EIF2B3: variants seen among roughly 807,000 people sequenced by gnomAD.
EIF2B3 encodes the protein translation initiation factor eIF2B subunit gamma.
In EIF2B3, 20 loss-of-function variants were observed where a neutral mutation model predicts 54.1. The ratio of observed to expected loss-of-function variants is 0.37; its 90% CI spans 0.26 to 0.54. The LOEUF (loss-of-function observed/expected upper bound fraction) is 0.54. Among genes scored for constraint, EIF2B3 ranks in the 20% least tolerant of loss-of-function variants. EIF2B3 has a pLI of 0.86. For synonymous variants in EIF2B3, 153 were observed against 188.1 expected (o/e 0.81, Z 1.52); for missense variants, 448 against 547.8 (o/e 0.82, Z 1.82).
At position 44,942,558 on chromosome 1, in the gene EIF2B3, G is replaced by A. The variant is rs377290586; in HGVS notation, c.295-893C>T. ...TCCTCCTGCCTCAGCCTCCCAAGTA[G>A]CTGGGACTACAGGTATGTACCACCA... On this transcript the variant is annotated intron_variant, in intron 3 of 11. Transcript: ENST00000360403. Among the ~76,000 whole-genome samples the A allele has an allele frequency of 5.1e-3, 740 of 145,946 alleles. 4 individuals carry two copies. Among genetic ancestry groups the A allele is most frequent in the East Asian group, 7.5e-3 (36 of 4,786 alleles).
chr1:44,972,923 T>C (rs1172677026), intron 3 of EIF2B3, among the ~76,000 whole-genome samples: 1 of 151,724 alleles, frequency 6.6e-6, no homozygotes, highest in Non-Finnish European at 1.5e-5. Context: ...TGCCCATGGT[T>C]CCAGCTACTC....
intron 4 of EIF2B3, among the ~76,000 whole-genome samples, chr1:44,931,857 C>T (rs986283999): frequency 3.3e-5 from 5 of 152,108 alleles, no homozygotes; most frequent in Non-Finnish European, 5.9e-5. Flanking sequence ...TGGCTCACGC[C>T]TATAATCCCA....
At chr1:44,955,535 A>G (rs1251833027) in intron 3 of EIF2B3, among the ~76,000 whole-genome samples, 2 of 152,206 alleles carry the variant, frequency 1.3e-5, no homozygotes, top group Admixed American at 1.3e-4. Flanking sequence ...TAAACTAAAG[A>G]GCTTCTGCAT....
At chr1:44,865,358 T>C (rs1362957564) in intron 10 of EIF2B3, among the ~76,000 whole-genome samples, 1 of 152,186 alleles carries the variant, frequency 6.6e-6, no homozygotes, top group Non-Finnish European at 1.5e-5. Context: ...CATGTTCCCA[T>C]TCCTTCTTCT....
At chr1:44,976,312 A>C (rs886371348) in intron 3 of EIF2B3, among the ~76,000 whole-genome samples, 71 of 152,228 alleles carry the variant, frequency 4.7e-4, no homozygotes, top group Non-Finnish European at 3.8e-4. Flanking sequence ...ACACTTCATG[A>C]ACATATATAA....
chr1:44,972,994 T>C (rs780721189), intron 3 of EIF2B3, among the ~76,000 whole-genome samples: 1 of 152,106 alleles, frequency 6.6e-6, no homozygotes, highest in Non-Finnish European at 1.5e-5. Context: ...TGAGCCATGA[T>C]TGCGCCATGG....
intron 5 of EIF2B3, among the ~76,000 whole-genome samples, chr1:44,910,107 A>G (rs1267890792): frequency 6.6e-6 from 1 of 152,228 alleles, no homozygotes; most frequent in Admixed American, 6.5e-5. Context: ...AAAACAATGT[A>G]ACATTGGGGA....
chr1:44,976,786 A>G (rs1429379887), intron 3 of EIF2B3, among the ~76,000 whole-genome samples: 1 of 152,236 alleles, frequency 6.6e-6, no homozygotes, highest in Non-Finnish European at 1.5e-5. Flanking sequence ...GAACAAAAGA[A>G]GCCAGAACAA....
chr1:44,972,143 C>T (rs1257416776), intron 3 of EIF2B3, among the ~76,000 whole-genome samples: 1 of 151,984 alleles, frequency 6.6e-6, no homozygotes, highest in Non-Finnish European at 1.5e-5. Flanking sequence ...AATCCCAGCA[C>T]TTTGGGAGGC....
At chr1:44,880,104 C>A in intron 7 of EIF2B3, 96 bp from the exon 8 acceptor site, 2 of 1,349,382 alleles carry the variant, frequency 1.5e-6, no homozygotes, top group Non-Finnish European at 2.1e-6. Flanking sequence ...ATTTAAGAGA[C>A]GAGGTCTTGC....
At chr1:44,939,873 T>C (rs1644001678) in intron 4 of EIF2B3, among the ~76,000 whole-genome samples, 4 of 152,146 alleles carry the variant, frequency 2.6e-5, no homozygotes, top group Admixed American at 1.3e-4. Context: ...TTATGAAACA[T>C]ATATCTGTTT....
At chr1:44,896,574 T>C (rs1365622656) in intron 6 of EIF2B3, among the ~76,000 whole-genome samples, 1 of 152,254 alleles carries the variant, frequency 6.6e-6, no homozygotes, top group African/African-American at 2.4e-5. Context: ...TAGATAAGTT[T>C]CCGCCTTGGA....
chr1:44,883,180 C>T (rs530627695), intron 6 of EIF2B3, among the ~76,000 whole-genome samples: 14 of 151,766 alleles, frequency 9.2e-5, no homozygotes, highest in Admixed American at 2.6e-4. Flanking sequence ...TCAGGTGATC[C>T]GCTTGCTCCG....
In EIF2B3 at chr1:44,850,801, C is replaced by G; in HGVS notation, c.*150G>C. 1.2e-6 allele frequency: 1 copy of G among 816,122 alleles called. No homozygotes were observed. Among genetic ancestry groups the G allele is most frequent in the Admixed American group, 2.1e-5 (1 of 47,600 alleles). 50.6% of individuals were successfully genotyped at this position (816,122 alleles called of 1,614,324 possible). On this transcript the variant is annotated 3_prime_UTR_variant, in exon 12 of 12. Transcript: ENST00000360403. ...TACACTGTGTACACCTGGAGCCCAC[C>G]TGACATGGAGCTTTGGACTGCTCCA...
intron 5 of EIF2B3, among the ~76,000 whole-genome samples, chr1:44,924,441 C>T (rs1005381634): frequency 4.6e-5 from 7 of 151,666 alleles, no homozygotes; most frequent in Non-Finnish European, 7.4e-5. Flanking sequence ...CTCACTCTGT[C>T]GCCCAGCGCA....
intron 5 of EIF2B3, among the ~76,000 whole-genome samples, chr1:44,909,997 C>A (rs1473827708): frequency 6.6e-6 from 1 of 152,150 alleles, no homozygotes; most frequent in African/African-American, 2.4e-5. Flanking sequence ...TCCAAGATGA[C>A]CTTGTGAACA....
At chr1:44,887,973 G>A (rs1655652403) in intron 6 of EIF2B3, among the ~76,000 whole-genome samples, 1 of 152,158 alleles carries the variant, frequency 6.6e-6, no homozygotes, top group Non-Finnish European at 1.5e-5. Flanking sequence ...TAATCTTTTA[G>A]CTTAGTTACT....
At chr1:44,935,409 T>C (rs1181529189) in intron 4 of EIF2B3, among the ~76,000 whole-genome samples, 1 of 152,370 alleles carries the variant, frequency 6.6e-6, no homozygotes, top group East Asian at 1.9e-4. Context: ...AAGATATATA[T>C]GCATATACGG....
intron 3 of EIF2B3, among the ~76,000 whole-genome samples, chr1:44,957,509 C>T (rs906512782): frequency 2.0e-5 from 3 of 152,030 alleles, no homozygotes; most frequent in Admixed American, 6.5e-5. Context: ...ACCTGTGATC[C>T]CAGTACTTTA....
Sources: allele counts gnomAD v4.1 joint callset (sites outside exome capture counted in the v4.1 genomes callset), GRCh38; gene constraint gnomAD v4.1.1; transcripts MANE v1.5; gene names NCBI Gene and HGNC (gene_info 2026-07-23, HGNC 2026-07-21).